WWOX: variants seen among roughly 807,000 people sequenced by gnomAD.
The protein encoded by WWOX is WW domain-containing oxidoreductase.
A neutral mutation model predicts 46.2 loss-of-function variants in WWOX; 69 were observed. That is an observed-to-expected ratio of 1.49 (90% CI 1.23 to 1.82). The LOEUF (loss-of-function observed/expected upper bound fraction) is 1.82, where lower values mean the gene tolerates loss of function less well. Ranked by LOEUF, WWOX falls within the 40% of genes most tolerant of loss-of-function variation. WWOX has a pLI of 0.00. For synonymous variants in WWOX, 359 were observed against 202.6 expected (o/e 1.77, Z -6.56); for missense variants, 919 against 542.6 (o/e 1.69, Z -6.89).
At chr16:78,704,284 A>C (rs971788795) in intron 8 of WWOX, among the ~76,000 whole-genome samples, 29 of 152,064 alleles carry the variant, frequency 1.9e-4, no homozygotes, top group Non-Finnish European at 2.9e-5. Flanking sequence ...GGTATCTCCA[A>C]AATTTCCTCA....
chr16:78,583,328 C>G (rs188553916), intron 8 of WWOX, among the ~76,000 whole-genome samples: 2 of 152,258 alleles, frequency 1.3e-5, no homozygotes, highest in South Asian at 4.2e-4. Context: ...GTTGGCACTT[C>G]CAGAGTAATT....
At position 78,422,760 on chromosome 16, in the gene WWOX, C is replaced by CATAT. The variant is rs1405236548; in HGVS notation, c.606-2104_606-2101dup. ...ACACATATATATACACATATATACA[C>CATAT]ATATATATACACACATATATATATA... On this transcript the variant is annotated intron_variant, in intron 6 of 8. Transcript: ENST00000566780. Among the ~76,000 whole-genome samples the CATAT allele has an allele frequency of 1.9e-3, 220 of 113,906 alleles. 12 individuals are homozygous for CATAT. The highest frequency in any genetic ancestry group is 0.011 in the African/African-American group (216 of 19,372). The allele number at this position is 113,906 out of a possible 152,430, so 74.7% of individuals were successfully genotyped here.
chr16:78,854,083 T>G (rs749305769), intron 8 of WWOX, among the ~76,000 whole-genome samples: 4 of 152,216 alleles, frequency 2.6e-5, no homozygotes, highest in Admixed American at 6.5e-5. Context: ...TATATTTTTC[T>G]CAGCATTTAC....
chr16:78,853,284 G>C (rs1050216016), intron 8 of WWOX, among the ~76,000 whole-genome samples: 8 of 152,070 alleles, frequency 5.3e-5, no homozygotes, highest in Non-Finnish European at 7.3e-5. Flanking sequence ...GCAGTGGCGT[G>C]ATCTCGGCTC....
chr16:78,241,627 A>G (rs1421832280), intron 5 of WWOX, among the ~76,000 whole-genome samples: 1 of 152,000 alleles, frequency 6.6e-6, no homozygotes, highest in East Asian at 1.9e-4. Context: ...TTTAGTAGAG[A>G]TGGGGTTTCA....
At chr16:78,785,589 C>G (rs2050436164) in intron 8 of WWOX, among the ~76,000 whole-genome samples, 1 of 152,146 alleles carries the variant, frequency 6.6e-6, no homozygotes, top group Admixed American at 6.5e-5. Context: ...AGTACTGTTT[C>G]TTATAAATTC....
At chr16:78,191,994 G>A (rs1384304195) in intron 5 of WWOX, among the ~76,000 whole-genome samples, 5 of 152,064 alleles carry the variant, frequency 3.3e-5, no homozygotes, top group Non-Finnish European at 4.4e-5. Flanking sequence ...TGACAAAGAT[G>A]CGGTTATCCA....
At chr16:79,005,875 A>T (rs976087409) in intron 8 of WWOX, among the ~76,000 whole-genome samples, 3 of 152,156 alleles carry the variant, frequency 2.0e-5, no homozygotes, top group African/African-American at 4.8e-5. Context: ...CCAAGAGAGA[A>T]ACTCAACCTT....
intron 8 of WWOX, among the ~76,000 whole-genome samples, chr16:79,041,650 C>T (rs189768281): frequency 1.2e-4 from 19 of 152,264 alleles, no homozygotes; most frequent in Non-Finnish European, 4.4e-5. Flanking sequence ...CACCAAGAGC[C>T]ATCCCACCTC....
At chr16:78,804,355 T>C (rs1014196415) in intron 8 of WWOX, among the ~76,000 whole-genome samples, 2 of 152,042 alleles carry the variant, frequency 1.3e-5, no homozygotes, top group African/African-American at 2.4e-5. Context: ...ACTTTGACTT[T>C]TGCTCGGCAG....
chr16:78,898,121 G>A (rs1473516128), intron 8 of WWOX: 1 of 151,420 alleles, frequency 6.6e-6, no homozygotes, highest in Non-Finnish European at 1.5e-5. Context: ...ATTCCTTAAT[G>A]GTGTCTTTTG....
intron 8 of WWOX, among the ~76,000 whole-genome samples, chr16:78,723,630 T>TTC (rs1295648770): frequency 1.5e-4 from 13 of 86,934 alleles, no homozygotes; most frequent in African/African-American, 6.7e-4. Context: ...TTCTTTTCTT[T>TTC]TTTCTTTTCT....
At chr16:79,038,095 A>C (rs988371) in intron 8 of WWOX, among the ~76,000 whole-genome samples, 10,142 of 152,190 alleles carry the variant, frequency 0.067, 405 homozygotes, top group African/African-American at 0.11. Flanking sequence ...TCAGATGAGC[A>C]GTTGGGAGAG....
chr16:79,163,884 G>GGAAA (rs1555537750), intron 8 of WWOX, among the ~76,000 whole-genome samples: 1 of 136,450 alleles, frequency 7.3e-6, no homozygotes, highest in African/African-American at 2.8e-5. Context: ...AAGAGAATTG[G>GGAAA]AAAAAAAAAA....
At chr16:78,817,988 C>G (rs1448625376) in intron 8 of WWOX, among the ~76,000 whole-genome samples, 1 of 152,092 alleles carries the variant, frequency 6.6e-6, no homozygotes, top group Non-Finnish European at 1.5e-5. Flanking sequence ...GGGAAGAAAA[C>G]GAAGATGGAG....
intron 5 of WWOX, among the ~76,000 whole-genome samples, chr16:78,261,814 A>ATATATATATG: frequency 6.8e-6 from 1 of 147,438 alleles, no homozygotes; most frequent in East Asian, 2.0e-4. Flanking sequence ...ATATATATAT[A>ATATATATATG]TATACTTATA....
intron 8 of WWOX, among the ~76,000 whole-genome samples, chr16:78,562,354 G>A (rs775188416): frequency 3.3e-5 from 5 of 152,176 alleles, no homozygotes; most frequent in African/African-American, 9.7e-5. Flanking sequence ...GCAGTGTTGT[G>A]TGTTACTATA....
intron 8 of WWOX, among the ~76,000 whole-genome samples, chr16:78,594,429 G>GCCTCCCCCCCCCC (rs1171391505): frequency 3.1e-5 from 1 of 32,380 alleles, no homozygotes. Context: ...CTGAGGAAAG[G>GCCTCCCCCCCCCC]CCCCCCCCCC....
At chr16:78,102,651 T>A (rs977167641) in intron 1 of WWOX, among the ~76,000 whole-genome samples, 2 of 152,222 alleles carry the variant, frequency 1.3e-5, no homozygotes, top group African/African-American at 4.8e-5. Flanking sequence ...TTCTTAACTG[T>A]GGGTGTCCCC....
Sources: allele counts gnomAD v4.1 joint callset (sites outside exome capture counted in the v4.1 genomes callset), GRCh38; gene constraint gnomAD v4.1.1; transcripts MANE v1.5; gene names NCBI Gene and HGNC (gene_info 2026-07-23, HGNC 2026-07-21).